Variants in TMPRSS11E observed in about 807,000 individuals in gnomAD.
TMPRSS11E encodes the protein transmembrane serine protease 11E, also known as transmembrane protease serine 11E.
TMPRSS11E carries 38 observed loss-of-function variants against 48.1 expected under a neutral mutation model. The ratio of observed to expected loss-of-function variants is 0.79; its 90% CI spans 0.61 to 1.04. TMPRSS11E has a LOEUF of 1.04. Ranked by LOEUF, TMPRSS11E falls within the 50% of genes least tolerant of loss-of-function variation. The probability of loss-of-function intolerance (pLI) is 0.00; values close to 1 mark genes in which losing one functional copy is unlikely to be tolerated. For missense variants in TMPRSS11E, 530 were observed against 510.8 expected, an observed-to-expected ratio of 1.04 and a Z score of -0.36; for synonymous variants, 158 against 171.9, an observed-to-expected ratio of 0.92 and a Z score of 0.63.
chr4:68,478,833 C>CT lies in TMPRSS11E; in HGVS notation c.968-8dup, dbSNP rs752227023. ...ATATGTATGTCTACAAATACAAAGA[C>CT]TTTTTTTTCTTTTAGGTTACAGTCA... is the stretch of plus-strand genomic sequence containing the variant. On this transcript the variant is annotated splice_polypyrimidine_tract_variant and intron_variant, in intron 8 of 9. Transcript: ENST00000305363. 1.7e-5 allele frequency: 27 copies of CT among 1,609,378 alleles called. No homozygotes were observed. Among genetic ancestry groups the CT allele is most frequent in the African/African-American group, 1.6e-4 (12 of 74,456 alleles).
In TMPRSS11E at chr4:68,478,684, G is replaced by A. The variant is rs1426050434; in HGVS notation, c.968-165G>A. On this transcript the variant is annotated intron_variant, in intron 8 of 9. Coordinates refer to ENST00000305363, the MANE Select transcript of TMPRSS11E (RefSeq NM_014058.4). The stretch of plus-strand genomic sequence containing the variant: ...TGGCCAAGCTGGTCTTGAACTCCTG[G>A]CTTCAAGCGATCCTCCAATCTCGGC... Among the ~76,000 whole-genome samples the A allele has an allele frequency of 3.3e-5, 5 of 151,570 alleles. No individual in the cohort carries two copies. In the South Asian group the frequency reaches 8.4e-4, roughly 25 times the overall value.
chr4:68,473,485 T>A (rs2109692063), intron 5 of TMPRSS11E, among the ~76,000 whole-genome samples: 1 of 152,230 alleles, frequency 6.6e-6, no homozygotes, highest in Middle Eastern at 3.4e-3. Flanking sequence ...TCATAGGGAA[T>A]TGTGAATGAT....
intron 9 of TMPRSS11E, 65 bp from the exon 10 acceptor site, chr4:68,496,577 GA>G: frequency 6.8e-7 from 1 of 1,475,300 alleles, no homozygotes; most frequent in Non-Finnish European, 9.1e-7. Flanking sequence ...TCTTAAGTTA[GA>G]AAAATAGCCA....
At chr4:68,494,704 A>C (rs963660210) in intron 9 of TMPRSS11E, among the ~76,000 whole-genome samples, 3 of 152,228 alleles carry the variant, frequency 2.0e-5, no homozygotes, top group Non-Finnish European at 4.4e-5. Context: ...AAGAATTAAC[A>C]AATATAATAA....
chr4:68,476,241 C>G lies in TMPRSS11E; in HGVS notation c.530-20C>G. 4 of 1,613,054 alleles carry G rather than the reference C, an allele frequency of 2.5e-6. No individual in the cohort carries two copies. Among genetic ancestry groups the G allele is most frequent in the African/African-American group, 2.7e-5 (2 of 74,790 alleles). On this transcript the variant is annotated intron_variant, in intron 6 of 9. Coordinates refer to ENST00000305363, the MANE Select transcript of TMPRSS11E (RefSeq NM_014058.4). ...CTAATTAATGCACCCACCAATGCAC[C>G]CCCCCTCTCTCTTTTGCAGGCTGCG...
intron 4 of TMPRSS11E, among the ~76,000 whole-genome samples, chr4:68,470,420 G>A (rs932653833): frequency 1.3e-5 from 2 of 151,756 alleles, no homozygotes; most frequent in Non-Finnish European, 3.0e-5. Context: ...TATAAATATT[G>A]AAAAGAATCC....
At chr4:68,486,840 A>C (rs1383395297) in intron 9 of TMPRSS11E, among the ~76,000 whole-genome samples, 3 of 152,184 alleles carry the variant, frequency 2.0e-5, no homozygotes, top group Non-Finnish European at 4.4e-5. Context: ...TTAGATAGTT[A>C]ATCTTCTTGT....
At chr4:68,495,881 T>G (rs1406244605) in intron 9 of TMPRSS11E, among the ~76,000 whole-genome samples, 1 of 152,186 alleles carries the variant, frequency 6.6e-6, no homozygotes, top group African/African-American at 2.4e-5. Context: ...AATTAAGAAC[T>G]TCATAGAGTG....
chr4:68,486,758 C>T (rs1729565340), intron 9 of TMPRSS11E, among the ~76,000 whole-genome samples: 1 of 152,100 alleles, frequency 6.6e-6, no homozygotes, highest in Admixed American at 6.5e-5. Context: ...TTGTATTTAT[C>T]TAAGTCTTTT....
chr4:68,455,272 A>G (rs561069704), intron 1 of TMPRSS11E, among the ~76,000 whole-genome samples: 210 of 152,078 alleles, frequency 1.4e-3, no homozygotes, highest in Middle Eastern at 0.01. Flanking sequence ...TAATTAGGAT[A>G]TGTAACTTTT....
chr4:68,475,863 A>T (rs1443963871), intron 6 of TMPRSS11E, among the ~76,000 whole-genome samples: 2 of 152,204 alleles, frequency 1.3e-5, no homozygotes, highest in Non-Finnish European at 2.9e-5. Flanking sequence ...AGTGGTGCCA[A>T]GGTTGAGGAA....
chr4:68,465,293 C>T (rs1026254473), intron 2 of TMPRSS11E, among the ~76,000 whole-genome samples: 1 of 152,166 alleles, frequency 6.6e-6, no homozygotes, highest in Non-Finnish European at 1.5e-5. Flanking sequence ...ACCAACCGCA[C>T]CCAAGCCCTT....
intron 1 of TMPRSS11E, among the ~76,000 whole-genome samples, chr4:68,461,463 C>T (rs1728787680): frequency 6.6e-6 from 1 of 152,198 alleles, no homozygotes; most frequent in Non-Finnish European, 1.5e-5. Context: ...ATGGCTGGCT[C>T]AACAAGTGAT....
intron 1 of TMPRSS11E, among the ~76,000 whole-genome samples, chr4:68,456,347 C>A (rs1306726872): frequency 6.6e-6 from 1 of 151,948 alleles, no homozygotes; most frequent in South Asian, 2.1e-4. Flanking sequence ...TCAGCCCAAG[C>A]GCCTGGCTGA....
At chr4:68,479,121 GA>G (rs2109702352) in intron 9 of TMPRSS11E, 130 bp downstream of exon 9, 1 of 1,040,852 alleles carries the variant, frequency 9.6e-7, no homozygotes, top group South Asian at 1.6e-5. Context: ...TTTCTCCAAT[GA>G]TTACATCTCA....
chr4:68,464,997 T>C (rs1025758166), intron 2 of TMPRSS11E, among the ~76,000 whole-genome samples: 2 of 152,226 alleles, frequency 1.3e-5, no homozygotes, highest in African/African-American at 4.8e-5. Flanking sequence ...GAGTTATAGT[T>C]AACTATGAGG....
At chr4:68,449,316 C>A (rs1436363008) in intron 1 of TMPRSS11E, among the ~76,000 whole-genome samples, 2 of 151,402 alleles carry the variant, frequency 1.3e-5, no homozygotes, top group African/African-American at 4.8e-5. Flanking sequence ...TTATAGAGAA[C>A]AGATTTGGGA....
chr4:68,480,353 G>T (rs996011532), intron 9 of TMPRSS11E, among the ~76,000 whole-genome samples: 1 of 151,830 alleles, frequency 6.6e-6, no homozygotes, highest in African/African-American at 2.4e-5. Context: ...TTGAGATTGG[G>T]TAATTTCAAT....
intron 9 of TMPRSS11E, among the ~76,000 whole-genome samples, chr4:68,487,758 T>C (rs1393709527): frequency 1.3e-5 from 2 of 151,788 alleles, no homozygotes; most frequent in African/African-American, 4.8e-5. Flanking sequence ...CTGGCCAACA[T>C]GGTGAAACCC....
Sources: gnomAD v4.1 joint callset for allele counts (sites outside exome capture counted in the v4.1 genomes callset) on GRCh38, gnomAD v4.1.1 for gene constraint, MANE v1.5 for transcripts, NCBI Gene and HGNC (gene_info 2026-07-23, HGNC 2026-07-21) for gene names.